The following GPR139 variants were observed in gnomAD, a reference collection of about 807,000 sequenced individuals.
GPR139 encodes the protein probable G protein-coupled receptor 139.
Under a neutral mutation model 25.8 loss-of-function variants are expected in GPR139, and 12 were observed. That is an observed-to-expected ratio of 0.47 (90% CI 0.30 to 0.75). GPR139 has a LOEUF of 0.75. GPR139 is among the 30% of genes least tolerant of loss of function. GPR139 has a pLI of 0.07. For synonymous variants in GPR139, 184 were observed against 179.9 expected (o/e 1.02, Z -0.18); for missense variants, 380 against 450.2 (o/e 0.84, Z 1.41).
chr16:20,037,573 A>C (rs1425704933), intron 1 of GPR139, among the ~76,000 whole-genome samples: 2 of 152,190 alleles, frequency 1.3e-5, no homozygotes, highest in Non-Finnish European at 2.9e-5. Flanking sequence ...GGTGGGAATC[A>C]GCTTCTTATG....
chr16:20,065,491 T>C (rs926927530), intron 1 of GPR139, among the ~76,000 whole-genome samples: 1 of 152,226 alleles, frequency 6.6e-6, no homozygotes, highest in Non-Finnish European at 1.5e-5. Flanking sequence ...CTGTCATTTC[T>C]TCACTGTGTG....
In GPR139 at chr16:20,053,611, G is replaced by C. The variant is rs568551967; in HGVS notation, c.127+19879C>G. Reference sequence around the variant, plus strand: ...GTGAAATTGCTTTGCAAACTCCCAAGGTTGTTGTGGGGACCTAAGGAGATA... The same window carrying C: ...GTGAAATTGCTTTGCAAACTCCCAACGTTGTTGTGGGGACCTAAGGAGATA... On this transcript the variant is annotated intron_variant, in intron 1 of 1. Transcript: ENST00000570682. Among the ~76,000 whole-genome samples, 6 of 152,312 alleles carry C rather than the reference G, an allele frequency of 3.9e-5. No individual in the cohort carries two copies. In the South Asian group the frequency reaches 1.2e-3, roughly 32 times the overall value.
rs545791155 is a variant in GPR139 at position 20,073,351 on chromosome 16, A to G, written c.127+139T>C. The G allele has an allele frequency of 5.5e-5, 70 of 1,265,068 alleles. 1 individual carries two copies. The South Asian group carries it at 8.3e-4, about 15-fold the overall frequency. 78.4% of individuals were successfully genotyped at this position (1,265,068 alleles called of 1,614,324 possible). On this transcript the variant is annotated intron_variant, in intron 1 of 1. Coordinates refer to ENST00000570682, the MANE Select transcript of GPR139 (RefSeq NM_001002911.4). The surrounding 1 kb of genome is among the most constrained non-coding windows in gnomAD (Gnocchi z 4.7). Reference sequence around the variant, plus strand: ...CAACTTCCTTTCCCCCCGTGTGGAAATATCCATAGTTGCCCTTAAAGCTTA... The same window carrying G: ...CAACTTCCTTTCCCCCCGTGTGGAAGTATCCATAGTTGCCCTTAAAGCTTA...
intron 1 of GPR139, among the ~76,000 whole-genome samples, chr16:20,034,908 G>T (rs998266538): frequency 3.3e-5 from 5 of 151,736 alleles, no homozygotes; most frequent in Non-Finnish European, 7.4e-5. Context: ...ATTTAAATTG[G>T]TTCCAGGATT....
chr16:20,044,992 C>T (rs975213948), intron 1 of GPR139, among the ~76,000 whole-genome samples: 1 of 125,126 alleles, frequency 8.0e-6, no homozygotes, highest in Non-Finnish European at 1.6e-5. Flanking sequence ...TTCACTTGCA[C>T]TATTTTTTTT....
chr16:20,055,655 G>T (rs1032242143), intron 1 of GPR139, among the ~76,000 whole-genome samples: 2 of 152,232 alleles, frequency 1.3e-5, no homozygotes, highest in African/African-American at 4.8e-5. Context: ...TCTCCCAGAA[G>T]TGGGTGTCTC....
At chr16:20,058,409 A>G (rs761588523) in intron 1 of GPR139, among the ~76,000 whole-genome samples, 3 of 152,052 alleles carry the variant, frequency 2.0e-5, no homozygotes, top group Non-Finnish European at 4.4e-5. Flanking sequence ...AGCAAACTCA[A>G]ATTCCTACAG....
chr16:20,052,124 CA>C (rs1193064029), intron 1 of GPR139, among the ~76,000 whole-genome samples: 10 of 152,190 alleles, frequency 6.6e-5, no homozygotes, highest in African/African-American at 2.2e-4. Context: ...ACACTCACTC[CA>C]GCCCCTGGGC....
At chr16:20,065,869 G>T (rs1389860064) in intron 1 of GPR139, among the ~76,000 whole-genome samples, 32 of 123,772 alleles carry the variant, frequency 2.6e-4, no homozygotes, top group South Asian at 1.1e-3. Flanking sequence ...GACACAGTGA[G>T]ACTATCTCAA....
intron 1 of GPR139, among the ~76,000 whole-genome samples, chr16:20,034,495 G>A (rs727589): frequency 0.13 from 19,935 of 152,200 alleles, 2,532 homozygotes; most frequent in African/African-American, 0.32. Flanking sequence ...GCTGCAGGCT[G>A]TGTGCAGTGT....
At position 20,035,884 on chromosome 16, in the gene GPR139, G is replaced by T. The variant is rs571048873; in HGVS notation, c.128-3215C>A. On this transcript the variant is annotated intron_variant, in intron 1 of 1. Coordinates refer to ENST00000570682, the MANE Select transcript of GPR139 (RefSeq NM_001002911.4). ...TAGCTCTCTTTTATTAAACAGCCTT[G>T]CTGTGTTCTGTTGAAAAGCATTTCA... Among the ~76,000 whole-genome samples the T allele has an allele frequency of 3.9e-5, 6 of 152,280 alleles. No individual in the cohort carries two copies. The East Asian group carries it at 1.2e-3, about 29-fold the overall frequency.
intron 1 of GPR139, among the ~76,000 whole-genome samples, chr16:20,048,895 C>G (rs1175955715): frequency 6.6e-6 from 1 of 152,292 alleles, no homozygotes; most frequent in Non-Finnish European, 1.5e-5. Context: ...ATTGCCTGAA[C>G]GTGCAACACA....
intron 1 of GPR139, among the ~76,000 whole-genome samples, chr16:20,066,802 CT>C (rs1224133262): frequency 6.6e-6 from 1 of 152,184 alleles, no homozygotes; most frequent in Non-Finnish European, 1.5e-5. Context: ...GCTAAGCATT[CT>C]TGTAATTTCA....
chr16:20,038,861 G>T (rs1209455120), intron 1 of GPR139, among the ~76,000 whole-genome samples: 1 of 152,180 alleles, frequency 6.6e-6, no homozygotes, highest in African/African-American at 2.4e-5. Flanking sequence ...TTCCCCAAAG[G>T]GAAAGAGTGA....
At position 20,049,961 on chromosome 16, in the gene GPR139, T is replaced by C. The variant is rs1567237611; in HGVS notation, c.128-17292A>G. 2.6e-5 allele frequency among the ~76,000 whole-genome samples: 4 copies of C among 152,350 alleles called. No homozygotes were observed. The East Asian group carries it at 7.7e-4, about 29-fold the overall frequency. ...TTCATCAAGCCCACTCAGGCCAGCT[T>C]CCTTCGCTTTCTTTCCATTGCAAAT... On this transcript the variant is annotated intron_variant, in intron 1 of 1. Transcript: ENST00000570682.
intron 1 of GPR139, among the ~76,000 whole-genome samples, chr16:20,047,142 G>C (rs768153333): frequency 6.7e-6 from 1 of 150,324 alleles, no homozygotes; most frequent in Non-Finnish European, 1.5e-5. Flanking sequence ...GTGGAGTCTC[G>C]CTTTTTCGCC....
At position 20,032,110 on chromosome 16, in the gene GPR139, G is replaced by A; in HGVS notation, c.687C>T (p.Ile229=). The A allele has an allele frequency of 6.2e-7, 1 of 1,614,226 alleles. No individual in the cohort carries two copies. Residue 229 remains isoleucine, a synonymous_variant, in exon 2 of 2, where the codon ATC becomes ATT. Transcript: ENST00000570682. ...RGYSTGKTTA[I]LFTITSIFAT... ...CAAAGATGGAGGTAATGGTGAACAA[G>A]ATGGCGGTGGTCTTCCCCGTGGAGT...
At position 20,073,337 on chromosome 16, in the gene GPR139, C is replaced by A. The variant is rs1019897024; in HGVS notation, c.127+153G>T. On this transcript the variant is annotated intron_variant, in intron 1 of 1. Coordinates refer to ENST00000570682, the MANE Select transcript of GPR139 (RefSeq NM_001002911.4). The surrounding 1 kb of genome is among the most constrained non-coding windows in gnomAD (Gnocchi z 4.7). ...CAGCTAGGGCACAGCAACTTCCTTT[C>A]CCCCCGTGTGGAAATATCCATAGTT... is the stretch of plus-strand genomic sequence containing the variant. 4.6e-5 allele frequency among the ~76,000 whole-genome samples: 7 copies of A among 152,186 alleles called. No individual in the cohort carries two copies. The highest frequency in any genetic ancestry group is 2.1e-4 in the South Asian group (1 of 4,810).
chr16:20,035,781 G>A (rs1484993389), intron 1 of GPR139, among the ~76,000 whole-genome samples: 2 of 152,208 alleles, frequency 1.3e-5, no homozygotes, highest in African/African-American at 2.4e-5. Context: ...AGGGGGAGAA[G>A]TATGAAGAGT....
Sources: allele counts gnomAD v4.1 joint callset (sites outside exome capture counted in the v4.1 genomes callset), GRCh38; gene constraint gnomAD v4.1.1; non-coding constraint Gnocchi (gnomAD v3.1); transcripts MANE v1.5; gene names NCBI Gene and HGNC (gene_info 2026-07-23, HGNC 2026-07-21).